The following RANBP2 variants were observed in gnomAD, a reference collection of about 807,000 sequenced individuals.
RANBP2 encodes the protein RAN binding protein 2.
A neutral mutation model predicts 303.6 loss-of-function variants in RANBP2; 57 were observed. That is an observed-to-expected ratio of 0.19 (90% CI 0.15 to 0.23). The LOEUF (loss-of-function observed/expected upper bound fraction) is 0.23, where lower values mean the gene tolerates loss of function less well. Among genes scored for constraint, RANBP2 ranks in the 10% least tolerant of loss-of-function variants. The pLI is 1.00. For missense variants in RANBP2, 3,138 were observed against 3,780.8 expected (o/e 0.83, Z 4.46); for synonymous variants, 1,167 against 1,301.5 (o/e 0.90, Z 2.23).
the RANBP2 span, among the ~76,000 whole-genome samples, chr2:109,119,400 CAT>C: frequency 3.3e-5 from 5 of 152,208 alleles, no homozygotes; most frequent in South Asian, 4.1e-4. Context: ...CTAAAATACA[CAT>C]GAGTATTATT....
chr2:109,193,065 G>A, the RANBP2 span, among the ~76,000 whole-genome samples: 2 of 152,226 alleles, frequency 1.3e-5, no homozygotes, highest in African/African-American at 2.4e-5. Flanking sequence ...ATTACTTAGT[G>A]TGGTTCAAAG....
At chr2:109,603,100 A>G in the RANBP2 span, among the ~76,000 whole-genome samples, 2 of 151,968 alleles carry the variant, frequency 1.3e-5, no homozygotes. Flanking sequence ...CAAAACAAAA[A>G]AGCATTAAAA....
the RANBP2 span, among the ~76,000 whole-genome samples, chr2:109,739,063 G>T: frequency 7.7e-6 from 1 of 129,296 alleles, no homozygotes; most frequent in African/African-American, 3.1e-5. Context: ...TGAGTTCACT[G>T]TAGGCATGTA....
chr2:108,907,478 T>G, the RANBP2 span, among the ~76,000 whole-genome samples: 2 of 151,990 alleles, frequency 1.3e-5, no homozygotes, highest in East Asian at 3.9e-4. Context: ...AAACCTCGTC[T>G]CTACTAAAAT....
the RANBP2 span, among the ~76,000 whole-genome samples, chr2:108,827,115 A>G: frequency 6.6e-6 from 1 of 152,194 alleles, no homozygotes; most frequent in African/African-American, 2.4e-5. Flanking sequence ...CACCTCTATT[A>G]TTTAACATTA....
chr2:109,592,084 G>A, the RANBP2 span, among the ~76,000 whole-genome samples: 1 of 152,146 alleles, frequency 6.6e-6, no homozygotes, highest in Non-Finnish European at 1.5e-5. Flanking sequence ...GCATCAGGGA[G>A]GCAGCTGGCA....
chr2:109,374,930 C>T, the RANBP2 span, among the ~76,000 whole-genome samples: 8 of 152,216 alleles, frequency 5.3e-5, no homozygotes, highest in African/African-American at 9.6e-5. Context: ...GCACAGTGCT[C>T]TCCCTCCGTG....
At chr2:109,343,744 C>CTTT in the RANBP2 span, among the ~76,000 whole-genome samples, 1 of 143,786 alleles carries the variant, frequency 7.0e-6, no homozygotes. Context: ...CCCTGGTTTC[C>CTTT]TTTTTTTTTT....
At chr2:109,488,026 C>T in the RANBP2 span, among the ~76,000 whole-genome samples, 2 of 152,222 alleles carry the variant, frequency 1.3e-5, no homozygotes, top group African/African-American at 2.4e-5. Flanking sequence ...AAGGCTAATT[C>T]CTTTTCCTTT....
intron 4 of RANBP2, among the ~76,000 whole-genome samples, chr2:108,734,765 T>C (rs1342163309): frequency 6.6e-6 from 1 of 151,742 alleles, no homozygotes; most frequent in Non-Finnish European, 1.5e-5. Context: ...AAAATACAGA[T>C]TTTGAAGACC....
chr2:109,424,048 G>T, the RANBP2 span, among the ~76,000 whole-genome samples: 1 of 152,198 alleles, frequency 6.6e-6, no homozygotes, highest in East Asian at 1.9e-4. Flanking sequence ...GCAGGCCCTG[G>T]TGGTGGCAGC....
the RANBP2 span, among the ~76,000 whole-genome samples, chr2:109,157,782 A>G: frequency 6.6e-6 from 1 of 152,178 alleles, no homozygotes; most frequent in Admixed American, 6.5e-5. Flanking sequence ...CTCATCATCC[A>G]GAGGGTAAAA....
chr2:109,685,601 C>T, the RANBP2 span, among the ~76,000 whole-genome samples: 1 of 152,246 alleles, frequency 6.6e-6, no homozygotes, highest in Non-Finnish European at 1.5e-5. Flanking sequence ...TTGCCCCCTG[C>T]ACGGCCTGGT....
chr2:108,895,527 G>GA, the RANBP2 span: 2 of 152,142 alleles, frequency 1.3e-5, no homozygotes, highest in African/African-American at 4.8e-5. Flanking sequence ...CAGTTATTGT[G>GA]AAAATGCCAA....
chr2:109,384,519 G>A, the RANBP2 span, among the ~76,000 whole-genome samples: 2 of 151,948 alleles, frequency 1.3e-5, no homozygotes, highest in Admixed American at 6.6e-5. Context: ...GGTCAGAGGG[G>A]CAGTGGGAAA....
the RANBP2 span, among the ~76,000 whole-genome samples, chr2:109,173,357 C>A: frequency 1.3e-5 from 2 of 152,272 alleles, no homozygotes; most frequent in African/African-American, 2.4e-5. Flanking sequence ...ACCGAGCCGT[C>A]CCTGCCTGGG....
the RANBP2 span, among the ~76,000 whole-genome samples, chr2:108,925,694 C>T: frequency 0.011 from 1,631 of 152,134 alleles, 17 homozygotes; most frequent in Non-Finnish European, 0.013. Context: ...CTTGGCTCAC[C>T]GCAACTTCCG....
chr2:109,061,328 T>C, the RANBP2 span, among the ~76,000 whole-genome samples: 2 of 152,208 alleles, frequency 1.3e-5, no homozygotes, highest in South Asian at 2.1e-4. Flanking sequence ...TGTAAAAATA[T>C]ATGTTAAGGA....
At chr2:109,385,407 A>G in the RANBP2 span, among the ~76,000 whole-genome samples, 2 of 152,338 alleles carry the variant, frequency 1.3e-5, no homozygotes, top group South Asian at 4.2e-4. Context: ...AGAAGCCCCC[A>G]TGTCCTGTTG....
Sources: gnomAD v4.1 joint callset for allele counts (sites outside exome capture counted in the v4.1 genomes callset) on GRCh38, gnomAD v4.1.1 for gene constraint, MANE v1.5 for transcripts, NCBI Gene and HGNC (gene_info 2026-07-23, HGNC 2026-07-21) for gene names.